The following SHC2 variants were observed in gnomAD, a reference collection of about 807,000 sequenced individuals.
SHC2 encodes the protein SHC adaptor protein 2, also known as SHC-transforming protein 2.
A neutral mutation model predicts 60.6 loss-of-function variants in SHC2; 62 were observed. The observed-to-expected ratio is 1.02, with a 90% confidence interval of 0.83 to 1.26. The LOEUF (loss-of-function observed/expected upper bound fraction) is 1.26, where lower values mean the gene tolerates loss of function less well. Among genes scored for constraint, SHC2 ranks in the 50% most tolerant of loss-of-function variants. The pLI is 0.00. For synonymous variants in SHC2, 375 were observed against 372.4 expected, an observed-to-expected ratio of 1.01 and a Z score of -0.08; for missense variants, 873 against 822.2, an observed-to-expected ratio of 1.06 and a Z score of -0.76.
rs1489672790 is a variant in SHC2, at chr19:422,065, C to G, written c.1620+81G>C. The G allele has an allele frequency of 1.9e-5, 9 of 465,580 alleles. No individual in the cohort carries two copies. Among genetic ancestry groups the G allele is most frequent in the Non-Finnish European group, 2.5e-6 (1 of 402,340 alleles). The allele number at this position is 465,580 out of a possible 1,614,324, so 28.8% of individuals were successfully genotyped here. A position where few individuals can be genotyped will look rare whatever the true frequency, so the allele number is the denominator to read the frequency against. ...CTCCCACCTGTGCCCAGCGAAGCCC[C>G]TGGATGCCCCGAGACCCTCCCACCT... is the stretch of plus-strand genomic sequence containing the variant. On this transcript the variant is annotated intron_variant, in intron 11 of 12. Transcript: ENST00000264554. This position sits in a 1 kb window ranked among gnomAD's most constrained non-coding sequence, Gnocchi z 5.0.
intron 1 of SHC2, among the ~76,000 whole-genome samples, chr19:444,656 G>A (rs752306783): frequency 5.9e-5 from 9 of 152,214 alleles, no homozygotes; most frequent in Non-Finnish European, 7.3e-5. Context: ...GTAAACACAC[G>A]AGGTAGGATG....
In SHC2 at chr19:436,382, C is replaced by G; in HGVS notation, c.824G>C (p.Arg275Thr). ...AYVAKDPINQ[R>T]ACHILECCEG... is the part of the protein sequence containing the mutation. ...ACCGGCCTCCCCGGGGGCCTCACCTCTCTGGTTGATGGGGTCCTTGGCGAC... is the reference window on the plus strand; with the variant it reads ...ACCGGCCTCCCCGGGGGCCTCACCTGTCTGGTTGATGGGGTCCTTGGCGAC... Residue 275 changes from arginine to threonine, a missense_variant and splice_region_variant, in exon 6 of 13, where the codon AGA (arginine) becomes ACA (threonine). By Grantham distance (71) the Arg-to-Thr change is moderately conservative. Coordinates refer to ENST00000264554, the MANE Select transcript of SHC2 (RefSeq NM_012435.3). The G allele has an allele frequency of 6.3e-7, 1 of 1,594,522 alleles. No homozygotes were observed. The highest frequency in any genetic ancestry group is 8.6e-7 in the Non-Finnish European group (1 of 1,167,362).
At chr19:423,701 C>G (rs1042552978) in intron 10 of SHC2, among the ~76,000 whole-genome samples, 1 of 152,232 alleles carries the variant, frequency 6.6e-6, no homozygotes, top group Non-Finnish European at 1.5e-5. Flanking sequence ...GGGGGCTGAG[C>G]CAGCTCCAAC....
At chr19:421,412 A>AAAAAAG (rs1974269079) in intron 11 of SHC2, among the ~76,000 whole-genome samples, 2 of 144,606 alleles carry the variant, frequency 1.4e-5, no homozygotes, top group East Asian at 2.2e-4. Flanking sequence ...AAAAAAAAAA[A>AAAAAAG]AAAAGAAAAG....
intron 1 of SHC2, among the ~76,000 whole-genome samples, chr19:454,520 C>T (rs186134528): frequency 2.1e-3 from 316 of 152,316 alleles, no homozygotes; most frequent in African/African-American, 7.1e-3. Context: ...GACGCGACGG[C>T]GCACACCTGT....
chr19:419,111 G>A, intron 11 of SHC2, 55 bp from the exon 12 acceptor site: 1 of 1,519,234 alleles, frequency 6.6e-7, no homozygotes, highest in Non-Finnish European at 8.9e-7. Context: ...GACCCGTGGA[G>A]TAGGATATTG....
rs1315301089 is a variant in SHC2 at position 460,862 on chromosome 19, G to C, written c.135C>G (p.Gly45=). 9 of 986,966 alleles carry C rather than the reference G, an allele frequency of 9.1e-6. No individual in the cohort carries two copies. In the South Asian group the frequency reaches 3.5e-4, roughly 39 times the overall value. 61.1% of individuals were successfully genotyped at this position (986,966 alleles called of 1,614,324 possible). ...WKFAAPGGFL[G]RGPAAARAAG... is the part of the protein sequence containing the mutation. ...CCGCCCGCGCCGCCGCCGGGCCGCGGCCCAGGAAGCCGCCCGGGGCCGCGA... is the reference window on the plus strand; with the variant it reads ...CCGCCCGCGCCGCCGCCGGGCCGCGCCCCAGGAAGCCGCCCGGGGCCGCGA... The change falls in exon 1 of 13, where the codon GGC becomes GGG. Residue 45 remains glycine, a synonymous_variant. Coordinates refer to ENST00000264554, the MANE Select transcript of SHC2 (RefSeq NM_012435.3).
rs1452218286 is a variant in SHC2, at chr19:438,717, C to T, written c.720+1G>A. The T allele has an allele frequency of 1.9e-6, 3 of 1,554,830 alleles. No homozygotes were observed. Among genetic ancestry groups the T allele is most frequent in the African/African-American group, 2.7e-5 (2 of 73,214 alleles). Reference sequence around the variant, plus strand: ...ACGCCAGGCGAAGAGGGCAGACCCACCTGGCGCGTGGCAGGCACGGAGAGG... The same window carrying T: ...ACGCCAGGCGAAGAGGGCAGACCCATCTGGCGCGTGGCAGGCACGGAGAGG... On this transcript the variant is annotated splice_donor_variant, in intron 4 of 12. Transcript: ENST00000264554. LOFTEE classifies it high-confidence loss of function. This position sits in a 1 kb window ranked among gnomAD's most constrained non-coding sequence, Gnocchi z 5.0.
In SHC2 at chr19:430,685, T is replaced by A. The variant is rs746719380; in HGVS notation, c.1173A>T (p.Thr391=). 1.2e-6 allele frequency: 2 copies of A among 1,612,784 alleles called. No homozygotes were observed. The highest frequency in any genetic ancestry group is 8.5e-7 in the Non-Finnish European group (1 of 1,179,708). ...SLPWDVGSTG[T]APPGDGYVQA... is the part of the protein sequence containing the mutation. ...CCTTGCAGCCCCAGCCCATCCTACC[T>A]GTACCGGTGGACCCCACGTCCCATG... Residue 391 remains threonine (T), a splice_region_variant and synonymous_variant, in exon 9 of 13, where the codon ACA becomes ACT. Transcript: ENST00000264554.
At chr19:448,700 T>A (rs55997117) in intron 1 of SHC2, among the ~76,000 whole-genome samples, 15,983 of 152,002 alleles carry the variant, frequency 0.11, 2,744 homozygotes, top group African/African-American at 0.36. Context: ...ACAGCACCCC[T>A]CTGTGCGTCC....
At chr19:429,246 TA>T (rs1974501558) in intron 9 of SHC2, among the ~76,000 whole-genome samples, 1 of 143,600 alleles carries the variant, frequency 7.0e-6, no homozygotes, top group African/African-American at 2.6e-5. Flanking sequence ...ACACAGTACC[TA>T]TACCCAACAT....
At chr19:450,995 C>T (rs1240006981) in intron 1 of SHC2, among the ~76,000 whole-genome samples, 5 of 148,822 alleles carry the variant, frequency 3.4e-5, no homozygotes, top group African/African-American at 1.2e-4. Context: ...ATGGCCACGC[C>T]ATGGCTGTGC....
At position 460,551 on chromosome 19, in the gene SHC2, G is replaced by A. The variant is rs899870587; in HGVS notation, c.446C>T (p.Pro149Leu). The A allele has an allele frequency of 1.4e-6, 2 of 1,410,236 alleles. No homozygotes were observed. The highest frequency in any genetic ancestry group is 1.5e-5 in the African/African-American group (1 of 66,874). 87.4% of individuals were successfully genotyped at this position (1,410,236 alleles called of 1,614,324 possible). A position where few individuals can be genotyped will look rare whatever the true frequency, so the allele number is the denominator to read the frequency against. The stretch of plus-strand genomic sequence containing the variant: ...CACCCGCACGACGTAGGAGACCCCG[G>A]GCCCCAGGACCCTGGCGTCGGGGTG... ...WLHPDARVLGPGVSYVVRYMG... is the reference protein window; with the variant it reads ...WLHPDARVLGLGVSYVVRYMG... Residue 149 changes from proline to leucine, a missense_variant, in exon 1 of 13, where the codon CCC (proline) becomes CTC (leucine). Coordinates refer to ENST00000264554, the MANE Select transcript of SHC2 (RefSeq NM_012435.3).
chr19:434,705 T>C lies in SHC2; in HGVS notation c.1110+4A>G. 3.7e-6 allele frequency: 6 copies of C among 1,608,174 alleles called. No individual in the cohort carries two copies. Among genetic ancestry groups the C allele is most frequent in the Non-Finnish European group, 5.1e-6 (6 of 1,178,226 alleles). ...TCCCCATCCCCCCGAGGGCAGAGGCTGACCTGGTCGAGGGCCGTGAGGGCG... is the reference window on the plus strand; with the variant it reads ...TCCCCATCCCCCCGAGGGCAGAGGCCGACCTGGTCGAGGGCCGTGAGGGCG... On this transcript the variant is annotated splice_donor_region_variant and intron_variant, in intron 8 of 12. Transcript: ENST00000264554.
Position 422,086 on chromosome 19 carries a change from CA to C in SHC2, c.1620+59del. On this transcript the variant is annotated intron_variant, in intron 11 of 12. Transcript: ENST00000264554. This position sits in a 1 kb window ranked among gnomAD's most constrained non-coding sequence, Gnocchi z 5.0. ...GCCCCTGGATGCCCCGAGACCCTCC[CA>C]CCTGTGCCCAGCGAAGCCCCTGGAT... The C allele has an allele frequency of 1.8e-6, 2 of 1,104,164 alleles. No individual in the cohort carries two copies. The highest frequency in any genetic ancestry group is 1.6e-5 in the African/African-American group (1 of 61,296). 68.4% of individuals were successfully genotyped at this position (1,104,164 alleles called of 1,614,324 possible). A position where few individuals can be genotyped will look rare whatever the true frequency, so the allele number is the denominator to read the frequency against.
rs1292062628 is a variant in SHC2, at chr19:438,715, C to T, written c.720+3G>A. 1 of 1,554,122 alleles carries T rather than the reference C, an allele frequency of 6.4e-7. No individual in the cohort carries two copies. Among genetic ancestry groups the T allele is most frequent in the Admixed American group, 1.9e-5 (1 of 51,490 alleles). On this transcript the variant is annotated splice_donor_region_variant and intron_variant, in intron 4 of 12. Coordinates refer to ENST00000264554, the MANE Select transcript of SHC2 (RefSeq NM_012435.3). This position sits in a 1 kb window ranked among gnomAD's most constrained non-coding sequence, Gnocchi z 5.0. The stretch of plus-strand genomic sequence containing the variant: ...GGACGCCAGGCGAAGAGGGCAGACC[C>T]ACCTGGCGCGTGGCAGGCACGGAGA...
intron 11 of SHC2, 117 bp from the exon 12 acceptor site, chr19:419,173 G>C: frequency 8.4e-7 from 1 of 1,195,044 alleles, no homozygotes; most frequent in Non-Finnish European, 1.1e-6. Context: ...TGGACGAGGG[G>C]CCGGACCAGG....
chr19:446,281 G>T lies in SHC2; in HGVS notation c.469-5349C>A, dbSNP rs1476379966. On this transcript the variant is annotated intron_variant, in intron 1 of 12. Coordinates refer to ENST00000264554, the MANE Select transcript of SHC2 (RefSeq NM_012435.3). The surrounding 1 kb of genome is among the most constrained non-coding windows in gnomAD (Gnocchi z 5.4). ...ACTGTGACAGAACAAGTCTATGTTT[G>T]TGTGTGTGTGTGTTTTGTTTTGTTT... Among the ~76,000 whole-genome samples, 2 of 151,830 alleles carry T rather than the reference G, an allele frequency of 1.3e-5. No individual in the cohort carries two copies. The highest frequency in any genetic ancestry group is 2.9e-5 in the Non-Finnish European group (2 of 67,928).
At position 440,964 on chromosome 19, in the gene SHC2, CG is replaced by C. The variant is rs767526408; in HGVS notation, c.469-33del. On this transcript the variant is annotated intron_variant, in intron 1 of 12. Coordinates refer to ENST00000264554, the MANE Select transcript of SHC2 (RefSeq NM_012435.3). The surrounding 1 kb of genome is among the most constrained non-coding windows in gnomAD (Gnocchi z 7.0). Reference sequence around the variant, plus strand: ...GGAGAGAACAGGTGTCAGATGCCATCGGAACCCCCGCAGTGGAGCCACGTCC... The same window carrying C: ...GGAGAGAACAGGTGTCAGATGCCATCGAACCCCCGCAGTGGAGCCACGTCC... 8.1e-6 allele frequency: 13 copies of C among 1,597,462 alleles called. 1 individual carries two copies. The Admixed American group carries it at 1.3e-4, about 16-fold the overall frequency.
Sources: gnomAD v4.1 joint callset for allele counts (sites outside exome capture counted in the v4.1 genomes callset) on GRCh38, gnomAD v4.1.1 for gene constraint, Gnocchi (gnomAD v3.1) non-coding constraint, MANE v1.5 for transcripts, NCBI Gene and HGNC (gene_info 2026-07-23, HGNC 2026-07-21) for gene names.